The following RHCE variants were observed in gnomAD, a reference collection of about 807,000 sequenced individuals.
RHCE encodes the protein blood group Rh(CE) polypeptide.
In RHCE, 22 loss-of-function variants were observed where a neutral mutation model predicts 43.8. The observed-to-expected ratio is 0.50, with a 90% confidence interval of 0.36 to 0.72. RHCE has a LOEUF of 0.72. RHCE is among the 30% of genes least tolerant of loss of function. The probability of loss-of-function intolerance (pLI) is 0.00; values close to 1 mark genes in which losing one functional copy is unlikely to be tolerated. For synonymous variants in RHCE, 156 were observed against 210.7 expected, an observed-to-expected ratio of 0.74 and a Z score of 2.25; for missense variants, 385 against 525.4, an observed-to-expected ratio of 0.73 and a Z score of 2.61.
At chr1:25,371,636 G>C in intron 8 of RHCE, among the ~76,000 whole-genome samples, 1 of 151,650 alleles carries the variant, frequency 6.6e-6, no homozygotes, top group East Asian at 1.9e-4. Flanking sequence ...GCCTTCTAAA[G>C]GGCTGCAATT....
intron 1 of RHCE, chr1:25,429,169 G>A (rs77397898): frequency 0.011 from 1,674 of 151,664 alleles, 13 homozygotes; most frequent in Non-Finnish European, 0.017. Flanking sequence ...ACAGGCCAGA[G>A]AGAGTTCTGT....
chr1:25,371,051 C>T (rs756698876), intron 8 of RHCE, among the ~76,000 whole-genome samples: 7 of 149,902 alleles, frequency 4.7e-5, no homozygotes, highest in Admixed American at 1.3e-4. Context: ...CCACCACACC[C>T]GGCCGATTCT....
intron 1 of RHCE, among the ~76,000 whole-genome samples, chr1:25,411,773 A>C (rs1182102532): frequency 6.6e-6 from 1 of 152,160 alleles, no homozygotes; most frequent in African/African-American, 2.4e-5. Flanking sequence ...AGCAGGAAAT[A>C]TGTATATGAA....
chr1:25,396,375 CA>C (rs1646535764), intron 3 of RHCE, among the ~76,000 whole-genome samples: 1 of 152,150 alleles, frequency 6.6e-6, no homozygotes, highest in African/African-American at 2.4e-5. Flanking sequence ...CATAATATAT[CA>C]ATGTCAATTT....
At chr1:25,369,720 C>A (rs1263155624) in intron 9 of RHCE, among the ~76,000 whole-genome samples, 1 of 146,594 alleles carries the variant, frequency 6.8e-6, no homozygotes, top group Non-Finnish European at 1.5e-5. Flanking sequence ...GATACTCACA[C>A]ACTGTAAGAA....
At chr1:25,416,560 G>A (rs1222084304) in intron 1 of RHCE, among the ~76,000 whole-genome samples, 1 of 152,074 alleles carries the variant, frequency 6.6e-6, no homozygotes, top group Non-Finnish European at 1.5e-5. Flanking sequence ...ACCGCACCCA[G>A]CCTTTATGTT....
rs1473520604 is a variant in RHCE, at chr1:25,408,825, G to C, written c.193C>G (p.Leu65Val). ...TVMAALGLGF[L>V]TSNFRRHSWS... ...CTGTGTCTCCGGAAATTTGAGGTGA[G>C]GAAGCCCAAGCCAAGGGCCGCCATC... Residue 65 changes from leucine (L) to valine (V), a missense_variant, in exon 2 of 10, where the codon CTC (leucine) becomes GTC (valine). By Grantham distance (32) the Leu-to-Val change is conservative (BLOSUM62 1). Coordinates refer to ENST00000294413, the MANE Select transcript of RHCE (RefSeq NM_020485.8). 7.8e-7 allele frequency: 1 copy of C among 1,283,306 alleles called. No individual in the cohort carries two copies. The highest frequency in any genetic ancestry group is 1.0e-6 in the Non-Finnish European group (1 of 962,992). The allele number at this position is 1,283,306 out of a possible 1,614,324, so 79.5% of individuals were successfully genotyped here.
At position 25,420,718 on chromosome 1, in the gene RHCE, A is replaced by G. The variant is rs2042746383; in HGVS notation, c.69T>C (p.Ala23=). 2 of 1,613,042 alleles carry G rather than the reference A, an allele frequency of 1.2e-6. No individual in the cohort carries two copies. Among genetic ancestry groups the G allele is most frequent in the East Asian group, 4.5e-5 (2 of 44,846 alleles). ...LPLCALTLEA[A]LILLFYFFTH... is the part of the protein sequence containing the mutation. Reference sequence around the variant, plus strand: ...TAAAAAAATAGAAGAGGAGAATGAGAGCTGCTTCCAGTGTTAGGGCGCAGA... The same window carrying G: ...TAAAAAAATAGAAGAGGAGAATGAGGGCTGCTTCCAGTGTTAGGGCGCAGA... Residue 23 remains alanine, a synonymous_variant, in exon 1 of 10, where the codon GCT becomes GCC. Transcript: ENST00000294413.
intron 2 of RHCE, among the ~76,000 whole-genome samples, chr1:25,407,562 A>G (rs1274171465): frequency 8.1e-6 from 1 of 123,716 alleles, no homozygotes; most frequent in African/African-American, 2.5e-5. Context: ...GGGAGGCTGG[A>G]ATGGCCTTGA....
intron 1 of RHCE, among the ~76,000 whole-genome samples, chr1:25,429,207 C>T (rs1263013403): frequency 6.8e-6 from 1 of 146,802 alleles, no homozygotes; most frequent in African/African-American, 2.6e-5. Flanking sequence ...AAAATGGCAT[C>T]TACTTCCTGG....
upstream of RHCE, among the ~76,000 whole-genome samples, chr1:25,423,662 C>A (rs1207018704): frequency 2.0e-5 from 3 of 152,212 alleles, no homozygotes; most frequent in Non-Finnish European, 4.4e-5. Flanking sequence ...TAAAAGGCCC[C>A]ATTTTCTGAC....
At chr1:25,386,550 G>C (rs1646168839) in intron 6 of RHCE, among the ~76,000 whole-genome samples, 1 of 152,222 alleles carries the variant, frequency 6.6e-6, no homozygotes, top group African/African-American at 2.4e-5. Flanking sequence ...GTCGGGCACG[G>C]TGGCTCATGC....
At chr1:25,392,506 C>A (rs1450041123) in intron 3 of RHCE, among the ~76,000 whole-genome samples, 1 of 151,916 alleles carries the variant, frequency 6.6e-6, no homozygotes, top group Non-Finnish European at 1.5e-5. Flanking sequence ...GGCGATCCAC[C>A]CGCCTCGGCC....
At chr1:25,391,023 CACTTAG>C in intron 4 of RHCE, 108 bp from the exon 5 acceptor site, 1 of 1,499,224 alleles carries the variant, frequency 6.7e-7, no homozygotes, top group Non-Finnish European at 9.3e-7. Flanking sequence ...TCAGCCTTGT[CACTTAG>C]AGTTAGATGG....
chr1:25,426,105 A>G (rs2042803486), intron 2 of RHCE, among the ~76,000 whole-genome samples: 1 of 152,232 alleles, frequency 6.6e-6, no homozygotes, highest in South Asian at 2.1e-4. Context: ...GGCAGTGCAT[A>G]AAGTGTCAGA....
At chr1:25,380,781 C>A (rs1645968765) in intron 7 of RHCE, among the ~76,000 whole-genome samples, 1 of 151,862 alleles carries the variant, frequency 6.6e-6, no homozygotes, top group African/African-American at 2.4e-5. Flanking sequence ...TCTTAGAGCT[C>A]TGGGCCAGTA....
At chr1:25,411,656 G>A (rs945897086) in intron 1 of RHCE, among the ~76,000 whole-genome samples, 6 of 152,168 alleles carry the variant, frequency 3.9e-5, no homozygotes, top group Admixed American at 2.6e-4. Flanking sequence ...GGAGGTGCAG[G>A]GAATGTTTCT....
chr1:25,413,274 G>C (rs1225212080), intron 1 of RHCE, among the ~76,000 whole-genome samples: 2 of 152,112 alleles, frequency 1.3e-5, no homozygotes, highest in African/African-American at 4.8e-5. Flanking sequence ...TTGATTTCAG[G>C]CTTCTCCTCC....
At chr1:25,379,112 G>A (rs1410744317) in intron 7 of RHCE, among the ~76,000 whole-genome samples, 1 of 152,028 alleles carries the variant, frequency 6.6e-6, no homozygotes, top group Non-Finnish European at 1.5e-5. Context: ...CTGGAGGCTG[G>A]GAAGTCTAAG....
Sources: gnomAD v4.1 joint callset for allele counts (sites outside exome capture counted in the v4.1 genomes callset) on GRCh38, gnomAD v4.1.1 for gene constraint, MANE v1.5 for transcripts, NCBI Gene and HGNC (gene_info 2026-07-23, HGNC 2026-07-21) for gene names.